Variants in SAPCD2 observed in about 807,000 individuals in gnomAD.
The protein encoded by SAPCD2 is suppressor APC domain-containing protein 2.
Under a neutral mutation model 37.8 loss-of-function variants are expected in SAPCD2, and 34 were observed. The ratio of observed to expected loss-of-function variants is 0.90; its 90% confidence interval spans 0.68 to 1.20. The LOEUF (loss-of-function observed/expected upper bound fraction) is 1.20, where lower values mean the gene tolerates loss of function less well. Among genes scored for constraint, SAPCD2 ranks in the 50% most tolerant of loss-of-function variants. SAPCD2 has a pLI of 0.00. For missense variants in SAPCD2, 572 were observed against 584.7 expected (o/e 0.98, Z 0.22); for synonymous variants, 275 against 270.3 (o/e 1.02, Z -0.17).
chr9:137,066,502 G>A, intron 1 of SAPCD2, 128 bp from the exon 2 acceptor site: 1 of 650,104 alleles, frequency 1.5e-6, no homozygotes, highest in Non-Finnish European at 2.6e-6. Context: ...TGGCCCACGT[G>A]TAGCCTCTGT....
intron 1 of SAPCD2, among the ~76,000 whole-genome samples, chr9:137,068,470 T>C (rs542390786): frequency 1.3e-5 from 2 of 152,256 alleles, no homozygotes; most frequent in East Asian, 3.9e-4. Flanking sequence ...AAACACGCAG[T>C]CCCAGGTGGG....
intron 1 of SAPCD2, 110 bp downstream of exon 1, chr9:137,069,779 TC>T: frequency 1.3e-6 from 1 of 781,954 alleles, no homozygotes; most frequent in Non-Finnish European, 1.7e-6. Flanking sequence ...GAAGAGCCGC[TC>T]CCCGGTCCCG....
rs769693707 is a variant in SAPCD2, at chr9:137,070,311, G to A, written c.150C>T (p.Arg50=). The change falls in exon 1 of 6, where the codon CGC becomes CGT. Residue 50 remains arginine (R), a synonymous_variant. Transcript: ENST00000409687. ...TGCCCTGCCAGCGGGACTCGATCTC[G>A]CGCAGGTGCACGCAGCCGCGCCGCC... ...DDRRRGCVHL[R]EIESRWQGTD... The A allele has an allele frequency of 9.4e-6, 14 of 1,482,960 alleles. No individual in the cohort carries two copies. The South Asian group carries it at 1.6e-4, about 17-fold the overall frequency. The allele number at this position is 1,482,960 out of a possible 1,614,324, so 91.9% of individuals were successfully genotyped here.
chr9:137,066,032 GAGGCGGGCTGGGC>G (rs1203335201), intron 2 of SAPCD2, among the ~76,000 whole-genome samples: 2 of 152,210 alleles, frequency 1.3e-5, no homozygotes, highest in African/African-American at 2.4e-5. Context: ...GCAACCTCGT[GAGGCGGGCTGGGC>G]AGCCACCATA....
intron 1 of SAPCD2, among the ~76,000 whole-genome samples, chr9:137,067,642 CAT>C (rs1312513473): frequency 9.9e-5 from 15 of 151,368 alleles, no homozygotes; most frequent in South Asian, 2.1e-4. Flanking sequence ...GGCGTGGTGG[CAT>C]GCACCTGTAA....
chr9:137,068,638 C>T (rs1832582632), intron 1 of SAPCD2, among the ~76,000 whole-genome samples: 1 of 152,246 alleles, frequency 6.6e-6, no homozygotes, highest in Non-Finnish European at 1.5e-5. Flanking sequence ...TCTGGCCCTC[C>T]GTTTGCCTGT....
chr9:137,069,078 C>A (rs1410894458), intron 1 of SAPCD2, among the ~76,000 whole-genome samples: 1 of 152,238 alleles, frequency 6.6e-6, no homozygotes, highest in Non-Finnish European at 1.5e-5. Context: ...CCTGGCAGAA[C>A]GGGTGCACAG....
chr9:137,065,719 C>CCCCA, intron 2 of SAPCD2, 51 bp from the exon 3 acceptor site: 1 of 1,554,784 alleles, frequency 6.4e-7, no homozygotes, highest in Non-Finnish European at 8.7e-7. Flanking sequence ...AGCACGCACA[C>CCCCA]GTCCACACAT....
Position 137,064,521 on chromosome 9 carries a change from G to A in SAPCD2, c.*138C>T, listed in dbSNP as rs945450361. On this transcript the variant is annotated 3_prime_UTR_variant, in exon 6 of 6. Coordinates refer to ENST00000409687, the MANE Select transcript of SAPCD2 (RefSeq NM_178448.4). The stretch of plus-strand genomic sequence containing the variant: ...CCTGGGGAGCCCATCTGGCAAGGGC[G>A]GCAGGAAGGCGCCCACTCCGGGACT... 17 of 997,576 alleles carry A rather than the reference G, an allele frequency of 1.7e-5. No homozygotes were observed. Among genetic ancestry groups the A allele is most frequent in the Non-Finnish European group, 2.2e-5 (15 of 684,100 alleles). 61.8% of individuals were successfully genotyped at this position (997,576 alleles called of 1,614,324 possible).
At chr9:137,069,433 G>A (rs1832593074) in intron 1 of SAPCD2, among the ~76,000 whole-genome samples, 1 of 152,230 alleles carries the variant, frequency 6.6e-6, no homozygotes, top group African/African-American at 2.4e-5. Flanking sequence ...AGTGGGCCCA[G>A]CCCCCCTGGC....
chr9:137,065,211 G>T, intron 3 of SAPCD2, 26 bp from the exon 4 acceptor site: 1 of 1,416,352 alleles, frequency 7.1e-7, no homozygotes, highest in Non-Finnish European at 9.3e-7. Context: ...AGGACAAGCG[G>T]TCAGAGAGGA....
intron 1 of SAPCD2, among the ~76,000 whole-genome samples, chr9:137,067,858 C>T (rs1338399901): frequency 1.3e-5 from 2 of 150,848 alleles, no homozygotes; most frequent in African/African-American, 4.9e-5. Flanking sequence ...CAGGCACGTC[C>T]TGGTGCTCAC....
At chr9:137,069,052 C>T (rs1474092908) in intron 1 of SAPCD2, among the ~76,000 whole-genome samples, 2 of 152,234 alleles carry the variant, frequency 1.3e-5, no homozygotes, top group African/African-American at 4.8e-5. Context: ...CAGGAGCCAC[C>T]GGTGGGCAGG....
intron 1 of SAPCD2, among the ~76,000 whole-genome samples, chr9:137,067,556 T>A (rs1170132893): frequency 1.3e-5 from 2 of 149,730 alleles, no homozygotes; most frequent in Admixed American, 1.3e-4. Flanking sequence ...GGGGGATCAG[T>A]TGAGGTCAGG....
Position 137,065,108 on chromosome 9 carries a change from C to T in SAPCD2, c.909G>A (p.Gly303=), listed in dbSNP as rs1436003818. The change falls in exon 4 of 6, where the codon GGG becomes GGA. Residue 303 remains glycine (G), a synonymous_variant. Coordinates refer to ENST00000409687, the MANE Select transcript of SAPCD2 (RefSeq NM_178448.4). ...TGGCACAGGCTGCAGCCAGCAGCTCCCCCAGGCACCGGGCCACCTCTTGTA... is the reference window on the plus strand; with the variant it reads ...TGGCACAGGCTGCAGCCAGCAGCTCTCCCAGGCACCGGGCCACCTCTTGTA... ...PKVQEVARCL[G]ELLAAACASR... 1.3e-6 allele frequency: 2 copies of T among 1,542,682 alleles called. No individual in the cohort carries two copies. Among genetic ancestry groups the T allele is most frequent in the South Asian group, 1.2e-5 (1 of 82,024 alleles).
At chr9:137,066,481 C>T (rs933640220) in intron 1 of SAPCD2, 107 bp from the exon 2 acceptor site, 1 of 826,946 alleles carries the variant, frequency 1.2e-6, no homozygotes, top group East Asian at 2.8e-5. Context: ...GTCTCGGGCA[C>T]CAGCCTGGCA....
rs1394182331 is a variant in SAPCD2, at chr9:137,062,360, C to A, written c.*2299G>T. The A allele has an allele frequency of 6.6e-6, 1 of 150,756 alleles. No individual in the cohort carries two copies. Among genetic ancestry groups the A allele is most frequent in the Non-Finnish European group, 1.5e-5 (1 of 67,744 alleles). 9.3% of individuals were successfully genotyped at this position (150,756 alleles called of 1,614,324 possible). The stretch of plus-strand genomic sequence containing the variant: ...GTCTCTCACTGCGTTGCCCAGGCTG[C>A]TCTGGAACTCCTGGCCTCAAGTGCT... On this transcript the variant is annotated 3_prime_UTR_variant, in exon 6 of 6. Transcript: ENST00000409687.
In SAPCD2 at chr9:137,066,318, G is replaced by A. The variant is rs567953393; in HGVS notation, c.628C>T (p.Arg210Cys). 2.7e-5 allele frequency: 44 copies of A among 1,609,992 alleles called. No individual in the cohort carries two copies. Among genetic ancestry groups the A allele is most frequent in the East Asian group, 1.3e-4 (6 of 44,808 alleles). The change falls in exon 2 of 6, where the codon CGT becomes TGT. Residue 210 changes from arginine (R) to cysteine (C), a missense_variant. Coordinates refer to ENST00000409687, the MANE Select transcript of SAPCD2 (RefSeq NM_178448.4). ...TGCCTCCGACGTTCCCCTCGGGCACGGGGAGCCCGCCGGGCATCCCCTGAG... is the reference window on the plus strand; with the variant it reads ...TGCCTCCGACGTTCCCCTCGGGCACAGGGAGCCCGCCGGGCATCCCCTGAG... Reference protein sequence around the residue: ...ADSGDARRAPRARGERRRHTI... With the variant: ...ADSGDARRAPCARGERRRHTI...
chr9:137,067,838 A>C (rs1188864647), intron 1 of SAPCD2, among the ~76,000 whole-genome samples: 1 of 148,988 alleles, frequency 6.7e-6, no homozygotes, highest in Non-Finnish European at 1.5e-5. Context: ...GGTGCACCCA[A>C]CTGACAAGTC....
Sources: gnomAD v4.1 joint callset for allele counts (sites outside exome capture counted in the v4.1 genomes callset) on GRCh38, gnomAD v4.1.1 for gene constraint, MANE v1.5 for transcripts, NCBI Gene and HGNC (gene_info 2026-07-23, HGNC 2026-07-21) for gene names.